The following ATP8B4 variants were observed in gnomAD, a reference collection of about 807,000 sequenced individuals.
ATP8B4 encodes the protein probable phospholipid-transporting ATPase IM.
Under a neutral mutation model 145.6 loss-of-function variants are expected in ATP8B4, and 133 were observed. The ratio of observed to expected loss-of-function variants is 0.91; its 90% confidence interval spans 0.79 to 1.05. The LOEUF (loss-of-function observed/expected upper bound fraction) is 1.05. Ranked by LOEUF, ATP8B4 falls within the 50% of genes least tolerant of loss-of-function variation. The pLI is 0.00. For missense variants in ATP8B4, 1,458 were observed against 1,425.2 expected, an observed-to-expected ratio of 1.02 and a Z score of -0.37; for synonymous variants, 507 against 492.9, an observed-to-expected ratio of 1.03 and a Z score of -0.38.
intron 17 of ATP8B4, among the ~76,000 whole-genome samples, chr15:49,922,742 TC>T (rs1298918138): frequency 6.6e-6 from 1 of 152,158 alleles, no homozygotes; most frequent in Non-Finnish European, 1.5e-5. Context: ...TAATTCCCAT[TC>T]CCTTACTTTT....
chr15:50,004,373 C>T (rs1485201875), intron 7 of ATP8B4, among the ~76,000 whole-genome samples: 4 of 152,134 alleles, frequency 2.6e-5, no homozygotes, highest in Non-Finnish European at 5.9e-5. Flanking sequence ...CCTGCTCATC[C>T]CTTGTCACCC....
rs181285295 is a variant in ATP8B4 at position 49,882,563 on chromosome 15, A to T, written c.2698-3104T>A. 4.6e-5 allele frequency among the ~76,000 whole-genome samples: 7 copies of T among 152,382 alleles called. No individual in the cohort carries two copies. The East Asian group carries it at 1.3e-3, about 29-fold the overall frequency. ...TACTATAGAATAATGAAAAGCAAAG[A>T]ATTATAACTATATCCCAAAACAAAT... On this transcript the variant is annotated intron_variant, in intron 23 of 27. Coordinates refer to ENST00000284509, the MANE Select transcript of ATP8B4 (RefSeq NM_024837.4).
intron 2 of ATP8B4, among the ~76,000 whole-genome samples, chr15:50,090,004 C>T (rs935723597): frequency 6.6e-6 from 1 of 152,094 alleles, no homozygotes; most frequent in African/African-American, 2.4e-5. Context: ...AAATGTGGTA[C>T]ATATACATCA....
intron 13 of ATP8B4, among the ~76,000 whole-genome samples, chr15:49,965,511 G>T (rs866463861): frequency 1.3e-5 from 2 of 152,178 alleles, no homozygotes; most frequent in Non-Finnish European, 2.9e-5. Flanking sequence ...TCTGCAAAAC[G>T]GCCAGCGTTG....
intron 23 of ATP8B4, among the ~76,000 whole-genome samples, chr15:49,892,865 T>C (rs1019328268): frequency 6.6e-6 from 1 of 152,186 alleles, no homozygotes; most frequent in Non-Finnish European, 1.5e-5. Flanking sequence ...AAGAGAAATC[T>C]TCATGCAGAA....
At chr15:50,108,491 T>A (rs1002190391) in intron 1 of ATP8B4, among the ~76,000 whole-genome samples, 6 of 152,138 alleles carry the variant, frequency 3.9e-5, no homozygotes, top group East Asian at 1.9e-4. Flanking sequence ...TGTTTCCTCA[T>A]CACTCTCCTT....
At chr15:49,977,941 C>T (rs2045816843) in intron 12 of ATP8B4, among the ~76,000 whole-genome samples, 1 of 152,062 alleles carries the variant, frequency 6.6e-6, no homozygotes, top group Admixed American at 6.6e-5. Flanking sequence ...GGTCACACAG[C>T]TATTAGTGGC....
intron 1 of ATP8B4, among the ~76,000 whole-genome samples, chr15:50,155,124 T>G (rs938952540): frequency 6.6e-6 from 1 of 152,174 alleles, no homozygotes; most frequent in Admixed American, 6.5e-5. Flanking sequence ...TTATAGCCTG[T>G]GAATATCAGG....
rs553344799 is a variant in ATP8B4 at position 49,926,983 on chromosome 15, G to C, written c.1643-3489C>G. On this transcript the variant is annotated intron_variant, in intron 16 of 27. Coordinates refer to ENST00000284509, the MANE Select transcript of ATP8B4 (RefSeq NM_024837.4). ...CAACTTTTATCTAAAGATCTCGTAAGAGCCTTCCAAGAAGCTTCTTGTAAT... is the reference window on the plus strand; with the variant it reads ...CAACTTTTATCTAAAGATCTCGTAACAGCCTTCCAAGAAGCTTCTTGTAAT... Among the ~76,000 whole-genome samples, 4 of 152,256 alleles carry C rather than the reference G, an allele frequency of 2.6e-5. No individual in the cohort carries two copies. In the East Asian group the frequency reaches 7.7e-4, roughly 29 times the overall value.
chr15:50,160,781 T>C (rs2044506443), intron 1 of ATP8B4, among the ~76,000 whole-genome samples: 1 of 152,162 alleles, frequency 6.6e-6, no homozygotes, highest in Non-Finnish European at 1.5e-5. Context: ...AAGACTTGTT[T>C]GTGGCTTAAG....
chr15:50,095,551 C>T (rs2055919863), intron 2 of ATP8B4, among the ~76,000 whole-genome samples: 1 of 152,048 alleles, frequency 6.6e-6, no homozygotes, highest in Admixed American at 6.6e-5. Flanking sequence ...CAGGCCAGGC[C>T]TTCAAGACAA....
intron 3 of ATP8B4, 151 bp from the exon 4 acceptor site, chr15:50,047,615 T>C (rs2051824908): frequency 1.6e-6 from 1 of 623,254 alleles, no homozygotes; most frequent in Non-Finnish European, 2.8e-6. Context: ...CCTTCATTTT[T>C]CCCAAGATGA....
chr15:50,024,988 C>T (rs1161358553), intron 6 of ATP8B4, among the ~76,000 whole-genome samples: 1 of 152,216 alleles, frequency 6.6e-6, no homozygotes, highest in East Asian at 1.9e-4. Flanking sequence ...AATACTTCTC[C>T]TTGCCCCATA....
chr15:49,884,694 T>C (rs1460857417), intron 23 of ATP8B4, among the ~76,000 whole-genome samples: 2 of 152,126 alleles, frequency 1.3e-5, no homozygotes, highest in African/African-American at 2.4e-5. Flanking sequence ...ATACACAATT[T>C]TATATGCTAT....
chr15:49,973,687 T>C (rs966925784), intron 12 of ATP8B4, among the ~76,000 whole-genome samples: 7 of 152,202 alleles, frequency 4.6e-5, no homozygotes, highest in Admixed American at 3.9e-4. Flanking sequence ...TAATCATTTA[T>C]GACTTCCAGC....
Position 49,931,117 on chromosome 15 carries a change from A to G in ATP8B4, c.1642+2T>C. On this transcript the variant is annotated splice_donor_variant, in intron 16 of 27. Transcript: ENST00000284509. LOFTEE classifies it high-confidence loss of function. ...AAAAATAGTCTTAGCTACCAACCAT[A>G]CCTATGACAGACATCCTTTTTCTGG... is the stretch of plus-strand genomic sequence containing the variant. The G allele has an allele frequency of 6.2e-7, 1 of 1,608,846 alleles. No individual in the cohort carries two copies. Among genetic ancestry groups the G allele is most frequent in the Non-Finnish European group, 8.5e-7 (1 of 1,176,578 alleles).
At chr15:50,111,990 G>C (rs28718641) in intron 1 of ATP8B4, among the ~76,000 whole-genome samples, 100 of 152,230 alleles carry the variant, frequency 6.6e-4, no homozygotes, top group African/African-American at 2.3e-3. Context: ...CAAATTGTGA[G>C]ACCTGGTCTC....
At chr15:50,033,693 TC>T (rs2050619609) in intron 6 of ATP8B4, among the ~76,000 whole-genome samples, 1 of 152,192 alleles carries the variant, frequency 6.6e-6, no homozygotes, top group South Asian at 2.1e-4. Flanking sequence ...TAGGTAGTTT[TC>T]CAATCCCTGT....
At chr15:50,172,968 G>T (rs563467000) in intron 1 of ATP8B4, among the ~76,000 whole-genome samples, 1 of 151,082 alleles carries the variant, frequency 6.6e-6, no homozygotes, top group Non-Finnish European at 1.5e-5. Flanking sequence ...TCCGGGAGGT[G>T]GGGGGCAGCC....
Sources: gnomAD v4.1 joint callset for allele counts (sites outside exome capture counted in the v4.1 genomes callset) on GRCh38, gnomAD v4.1.1 for gene constraint, MANE v1.5 for transcripts, NCBI Gene and HGNC (gene_info 2026-07-23, HGNC 2026-07-21) for gene names.